The following ZNF407 variants were observed in gnomAD, a reference collection of about 807,000 sequenced individuals.
The protein encoded by ZNF407 is zinc finger protein 407.
Under a neutral mutation model 131.2 loss-of-function variants are expected in ZNF407, and 17 were observed. The ratio of observed to expected loss-of-function variants is 0.13; its 90% confidence interval spans 0.09 to 0.19. The LOEUF (loss-of-function observed/expected upper bound fraction) is 0.19, where lower values mean the gene tolerates loss of function less well. ZNF407 is among the 10% of genes least tolerant of loss of function. The probability of loss-of-function intolerance (pLI) is 1.00; values close to 1 mark genes in which losing one functional copy is unlikely to be tolerated. For missense variants in ZNF407, 2,681 were observed against 2,830.6 expected (o/e 0.95, Z 1.20); for synonymous variants, 1,156 against 1,062.0 (o/e 1.09, Z -1.72).
intron 3 of ZNF407, among the ~76,000 whole-genome samples, chr18:74,738,997 T>G (rs578048136): frequency 6.6e-6 from 1 of 152,224 alleles, no homozygotes; most frequent in South Asian, 2.1e-4. Context: ...ACCAGGTATT[T>G]TAAAGAATAT....
intron 4 of ZNF407, among the ~76,000 whole-genome samples, chr18:74,831,736 G>A (rs895235409): frequency 6.6e-6 from 1 of 152,246 alleles, no homozygotes; most frequent in African/African-American, 2.4e-5. Flanking sequence ...GATGCCACGT[G>A]TCCCCCTCAC....
At chr18:74,936,879 C>A (rs966119428) in intron 8 of ZNF407, among the ~76,000 whole-genome samples, 1 of 152,190 alleles carries the variant, frequency 6.6e-6, no homozygotes, top group East Asian at 1.9e-4. Context: ...ATTAATAATT[C>A]TCAAACTTTT....
intron 7 of ZNF407, among the ~76,000 whole-genome samples, chr18:74,899,069 A>G (rs2145205883): frequency 6.6e-6 from 1 of 152,300 alleles, no homozygotes; most frequent in East Asian, 1.9e-4. Flanking sequence ...CTGTGGTAAA[A>G]GACAGCAGGA....
At chr18:74,931,395 G>A (rs1971980854) in intron 8 of ZNF407, among the ~76,000 whole-genome samples, 1 of 152,036 alleles carries the variant, frequency 6.6e-6, no homozygotes, top group African/African-American at 2.4e-5. Flanking sequence ...ATGGACAAAT[G>A]ATCAAAATAA....
At chr18:74,821,714 A>G (rs1970343308) in intron 4 of ZNF407, among the ~76,000 whole-genome samples, 1 of 152,198 alleles carries the variant, frequency 6.6e-6, no homozygotes, top group South Asian at 2.1e-4. Context: ...TATTGTGAAT[A>G]GTGCCGCAAT....
At position 75,006,081 on chromosome 18, in the gene ZNF407, G is replaced by A. The variant is rs148165817; in HGVS notation, c.5429-57069G>A. 1.3e-3 allele frequency among the ~76,000 whole-genome samples: 201 copies of A among 152,260 alleles called. 3 individuals are homozygous for A. The highest frequency in any genetic ancestry group is 0.013 in the Admixed American group (193 of 15,302). Reference sequence around the variant, plus strand: ...GGCATGTCGGATGAACGGACCCTCCGTGCTGTCTTGGAGGAGGTGTCTTCA... The same window carrying A: ...GGCATGTCGGATGAACGGACCCTCCATGCTGTCTTGGAGGAGGTGTCTTCA... On this transcript the variant is annotated intron_variant, in intron 8 of 8. Transcript: ENST00000299687.
intron 8 of ZNF407, among the ~76,000 whole-genome samples, chr18:74,972,260 C>A (rs928574049): frequency 6.6e-6 from 1 of 152,198 alleles, no homozygotes; most frequent in Non-Finnish European, 1.5e-5. Context: ...TCCGATTTTA[C>A]TTTACTAATT....
At chr18:75,058,396 T>C (rs1973586425) in intron 8 of ZNF407, among the ~76,000 whole-genome samples, 1 of 152,124 alleles carries the variant, frequency 6.6e-6, no homozygotes, top group Non-Finnish European at 1.5e-5. Context: ...GGGCAGAAAG[T>C]GAGGACTTTG....
intron 8 of ZNF407, among the ~76,000 whole-genome samples, chr18:75,051,917 A>T (rs1413104734): frequency 2.0e-5 from 3 of 152,230 alleles, no homozygotes. Flanking sequence ...TTTGACACAC[A>T]GCCAGCTGCC....
chr18:74,635,093 C>G lies in ZNF407; in HGVS notation c.4074C>G (p.Ser1358=), dbSNP rs748226994. Residue 1358 remains serine, a synonymous_variant, in exon 2 of 9, where the codon TCC becomes TCG. Coordinates refer to ENST00000299687, the MANE Select transcript of ZNF407 (RefSeq NM_017757.3). The surrounding 1 kb of genome is among the most constrained non-coding windows in gnomAD (Gnocchi z 4.7). ...QAMYSFGRFD[S]SIIRIKNPED... ...TGTACAGTTTTGGTCGATTTGACTCCTCCATAATAAGAATAAAGAACCCTG... is the reference window on the plus strand; with the variant it reads ...TGTACAGTTTTGGTCGATTTGACTCGTCCATAATAAGAATAAAGAACCCTG... The G allele has an allele frequency of 2.5e-6, 4 of 1,613,748 alleles. No individual in the cohort carries two copies. The highest frequency in any genetic ancestry group is 1.3e-5 in the African/African-American group (1 of 74,852).
intron 4 of ZNF407, among the ~76,000 whole-genome samples, chr18:74,845,285 C>T (rs186281522): frequency 3.5e-4 from 54 of 152,272 alleles, no homozygotes; most frequent in East Asian, 3.1e-3. Flanking sequence ...AATCAACCAG[C>T]GGTGTTTGGT....
At chr18:74,775,572 G>A (rs565724443) in intron 3 of ZNF407, among the ~76,000 whole-genome samples, 3 of 152,296 alleles carry the variant, frequency 2.0e-5, no homozygotes, top group African/African-American at 7.2e-5. Context: ...TGAATCAGAA[G>A]TTTGAAACCA....
intron 8 of ZNF407, among the ~76,000 whole-genome samples, chr18:74,958,067 C>T (rs547357469): frequency 3.3e-4 from 50 of 152,296 alleles, no homozygotes; most frequent in African/African-American, 1.1e-3. Flanking sequence ...CCATAACCCA[C>T]GTCTCACTTA....
chr18:75,011,594 GT>G (rs1292900303), intron 8 of ZNF407, among the ~76,000 whole-genome samples: 1 of 151,994 alleles, frequency 6.6e-6, no homozygotes, highest in Non-Finnish European at 1.5e-5. Flanking sequence ...ATCCATTTAA[GT>G]TTTTTTCCCA....
chr18:75,017,058 T>C (rs9950694), intron 8 of ZNF407, among the ~76,000 whole-genome samples: 21,913 of 152,108 alleles, frequency 0.14, 1,803 homozygotes, highest in Admixed American at 0.27. Context: ...AATTCAGCCA[T>C]TTTTTTCTTT....
intron 3 of ZNF407, among the ~76,000 whole-genome samples, chr18:74,699,848 AT>A (rs1461042843): frequency 6.6e-6 from 1 of 152,190 alleles, no homozygotes; most frequent in East Asian, 1.9e-4. Flanking sequence ...TGTAATACTT[AT>A]TTTATTGAAA....
intron 3 of ZNF407, among the ~76,000 whole-genome samples, chr18:74,754,024 G>T (rs540980569): frequency 5.9e-5 from 9 of 152,246 alleles, no homozygotes; most frequent in African/African-American, 1.4e-4. Context: ...CAATTTCAGA[G>T]CCTGTTACTG....
chr18:74,635,733 CAGTG>C lies in ZNF407; in HGVS notation c.4687+30_4687+33del, dbSNP rs1984432359. 1 of 1,540,978 alleles carries C rather than the reference CAGTG, an allele frequency of 6.5e-7. No homozygotes were observed. The highest frequency in any genetic ancestry group is 8.7e-7 in the Non-Finnish European group (1 of 1,144,906). ...TATGTAGCTCTGCAGCAAGCCAAGT[CAGTG>C]AGGACATGGGGCCATTTGTTCCCAT... On this transcript the variant is annotated intron_variant, in intron 2 of 8. Transcript: ENST00000299687. The surrounding 1 kb of genome is among the most constrained non-coding windows in gnomAD (Gnocchi z 4.7).
At chr18:74,613,676 T>C (rs962735357) in intron 1 of ZNF407, among the ~76,000 whole-genome samples, 1 of 152,236 alleles carries the variant, frequency 6.6e-6, no homozygotes, top group Non-Finnish European at 1.5e-5. Context: ...ACTTTAGCTC[T>C]TCTAGTTTCA....
Sources: gnomAD v4.1 joint callset for allele counts (sites outside exome capture counted in the v4.1 genomes callset) on GRCh38, gnomAD v4.1.1 for gene constraint, Gnocchi (gnomAD v3.1) non-coding constraint, MANE v1.5 for transcripts, NCBI Gene and HGNC (gene_info 2026-07-23, HGNC 2026-07-21) for gene names.